BCKDK: variants seen among roughly 807,000 people sequenced by gnomAD.
The protein encoded by BCKDK is branched-chain alpha-ketoacid dehydrogenase kinase.
Under a neutral mutation model 43.9 loss-of-function variants are expected in BCKDK, and 28 were observed. The ratio of observed to expected loss-of-function variants is 0.64; its 90% CI spans 0.47 to 0.87. BCKDK has a LOEUF of 0.87. Ranked by LOEUF, BCKDK falls within the 40% of genes least tolerant of loss-of-function variation. BCKDK has a pLI of 0.00. For synonymous variants in BCKDK, 257 were observed against 234.3 expected (o/e 1.10, Z -0.88); for missense variants, 483 against 581.4 (o/e 0.83, Z 1.74).
In BCKDK at chr16:31,111,251, G is replaced by A. The variant is rs200386821; in HGVS notation, c.845+32G>A. 3.4e-4 allele frequency: 542 copies of A among 1,613,938 alleles called. 1 individual carries two copies. Among genetic ancestry groups the A allele is most frequent in the Non-Finnish European group, 4.3e-4 (512 of 1,179,976 alleles). On this transcript the variant is annotated intron_variant, in intron 9 of 11. Transcript: ENST00000219794. ...TGGCTTGATGTGCTGGCTTGGGGGCGGACAGGAACCGGGGTGCTTGTACCT... is the reference window on the plus strand; with the variant it reads ...TGGCTTGATGTGCTGGCTTGGGGGCAGACAGGAACCGGGGTGCTTGTACCT...
downstream of BCKDK, among the ~76,000 whole-genome samples, chr16:31,116,759 A>C (rs2057448658): frequency 1.1e-5 from 1 of 93,502 alleles, no homozygotes; most frequent in African/African-American, 3.6e-5. Context: ...TCTACTAAAA[A>C]TACAAAAAAT....
downstream of BCKDK, among the ~76,000 whole-genome samples, chr16:31,117,280 G>A (rs1393778797): frequency 1.3e-5 from 2 of 151,036 alleles, no homozygotes; most frequent in African/African-American, 4.9e-5. Context: ...TGAGGCAGAG[G>A]AATCGCTTGA....
chr16:31,111,986 T>C lies in BCKDK; in HGVS notation c.1053T>C (p.His351=). Residue 351 remains histidine, a synonymous_variant, in exon 11 of 12, where the codon CAT becomes CAC. Transcript: ENST00000219794. ...CCCGGATCAGCCCCCTCTTTGGCCATCTGGACATGCATAGTGGCGCCCAGT... is the reference window on the plus strand; with the variant it reads ...CCCGGATCAGCCCCCTCTTTGGCCACCTGGACATGCATAGTGGCGCCCAGT... ...QDPRISPLFG[H]LDMHSGAQSG... 1.2e-6 allele frequency: 2 copies of C among 1,613,968 alleles called. No homozygotes were observed. Among genetic ancestry groups the C allele is most frequent in the South Asian group, 2.2e-5 (2 of 91,076 alleles).
Position 31,111,669 on chromosome 16 carries a change from C to T in BCKDK, c.936-200C>T, listed in dbSNP as rs1244792733. On this transcript the variant is annotated intron_variant, in intron 10 of 11. Transcript: ENST00000219794. ...AGGATGCTGGGCCGAGGATAAATGT[C>T]ACATCCTGTGAGAAGGTATAAGCAG... 6.6e-5 allele frequency among the ~76,000 whole-genome samples: 10 copies of T among 152,076 alleles called. No individual in the cohort carries two copies. In the East Asian group the frequency reaches 1.5e-3, roughly 23 times the overall value.
Position 31,110,445 on chromosome 16 carries a change from G to A in BCKDK, c.588G>A (p.Ser196=), listed in dbSNP as rs150773521. ...VRYFLDKTLT[S]RLGIRMLATH... ...ACTTCTTGGACAAGACGCTGACTTC[G>A]AGGCTTGGAATCCGCATGTTGGCCA... The change falls in exon 7 of 12, where the codon TCG becomes TCA. Residue 196 remains serine, a synonymous_variant. Transcript: ENST00000219794. This position sits in a 1 kb window ranked among gnomAD's most constrained non-coding sequence, Gnocchi z 5.4. The A allele has an allele frequency of 3.3e-4, 532 of 1,613,898 alleles. No homozygotes were observed. The highest frequency in any genetic ancestry group is 4.0e-4 in the Non-Finnish European group (470 of 1,180,028).
chr16:31,112,464 G>A lies in BCKDK; in HGVS notation c.*199G>A. 1 of 875,820 alleles carries A rather than the reference G, an allele frequency of 1.1e-6. No homozygotes were observed. The highest frequency in any genetic ancestry group is 1.7e-5 in the African/African-American group (1 of 60,518). 54.3% of individuals were successfully genotyped at this position (875,820 alleles called of 1,614,324 possible). ...TGCCTCCTCGCCTCCAGAACTTGGAGCAGGGAAGTGGGCACCCTGAGGCCT... is the reference window on the plus strand; with the variant it reads ...TGCCTCCTCGCCTCCAGAACTTGGAACAGGGAAGTGGGCACCCTGAGGCCT... On this transcript the variant is annotated 3_prime_UTR_variant, in exon 12 of 12. Coordinates refer to ENST00000219794, the MANE Select transcript of BCKDK (RefSeq NM_005881.4). The surrounding 1 kb of genome is among the most constrained non-coding windows in gnomAD (Gnocchi z 5.0).
rs2057386084 is a variant in BCKDK, at chr16:31,108,972, C to G, written c.-177-75C>G. The G allele has an allele frequency of 2.5e-6, 1 of 398,920 alleles. No homozygotes were observed. The highest frequency in any genetic ancestry group is 4.5e-6 in the Non-Finnish European group (1 of 222,124). 24.7% of individuals were successfully genotyped at this position (398,920 alleles called of 1,614,324 possible). ...AGAGGTCGCCCGGGTCTGGGGAGAC[C>G]GATGCACAGGTGGAGAGATGGTGCG... On this transcript the variant is annotated intron_variant, in intron 1 of 11. Coordinates refer to ENST00000219794, the MANE Select transcript of BCKDK (RefSeq NM_005881.4). This position sits in a 1 kb window ranked among gnomAD's most constrained non-coding sequence, Gnocchi z 6.2.
chr16:31,110,416 C>T lies in BCKDK; in HGVS notation c.559C>T (p.Arg187Cys), dbSNP rs905825367. The T allele has an allele frequency of 1.4e-5, 23 of 1,613,788 alleles. No homozygotes were observed. The highest frequency in any genetic ancestry group is 1.7e-5 in the Non-Finnish European group (20 of 1,180,010). The change falls in exon 7 of 12, where the codon CGC (arginine) becomes TGC (cysteine). Residue 187 changes from arginine to cysteine, a missense_variant. Arg to Cys is a radical substitution (Grantham distance 180). Transcript: ENST00000219794. This position sits in a 1 kb window ranked among gnomAD's most constrained non-coding sequence, Gnocchi z 5.4. ...RKHIEDEKLV[R>C]YFLDKTLTSR... Reference sequence around the variant, plus strand: ...CTCTTTACAGGATGAAAAGCTCGTCCGCTACTTCTTGGACAAGACGCTGAC... The same window carrying T: ...CTCTTTACAGGATGAAAAGCTCGTCTGCTACTTCTTGGACAAGACGCTGAC...
In BCKDK at chr16:31,110,458, C is replaced by T. The variant is rs771021107; in HGVS notation, c.601C>T (p.Arg201Cys). The T allele has an allele frequency of 5.0e-6, 8 of 1,613,866 alleles. No individual in the cohort carries two copies. The highest frequency in any genetic ancestry group is 4.5e-5 in the East Asian group (2 of 44,880). Residue 201 changes from arginine to cysteine, a missense_variant, in exon 7 of 12, where the codon CGC becomes TGC. Physicochemically the swap from Arg to Cys is radical, Grantham distance 180. Coordinates refer to ENST00000219794, the MANE Select transcript of BCKDK (RefSeq NM_005881.4). The surrounding 1 kb of genome is among the most constrained non-coding windows in gnomAD (Gnocchi z 5.4). ...DKTLTSRLGI[R>C]MLATHHLALH... ...GACGCTGACTTCGAGGCTTGGAATC[C>T]GCATGTTGGCCACGCATCACCTGGC...
In BCKDK at chr16:31,112,375, C is replaced by A; in HGVS notation, c.*110C>A. The A allele has an allele frequency of 2.6e-6, 4 of 1,525,356 alleles. No individual in the cohort carries two copies. Among genetic ancestry groups the A allele is most frequent in the Non-Finnish European group, 3.6e-6 (4 of 1,119,872 alleles). 94.5% of individuals were successfully genotyped at this position (1,525,356 alleles called of 1,614,324 possible). ...CTCCACACACTGCTGCATCTTGGGT[C>A]TCAGGGACCCAGACAGATGGACTTA... is the stretch of plus-strand genomic sequence containing the variant. On this transcript the variant is annotated 3_prime_UTR_variant, in exon 12 of 12. Transcript: ENST00000219794. The surrounding 1 kb of genome is among the most constrained non-coding windows in gnomAD (Gnocchi z 5.0).
At chr16:31,111,762 G>A in intron 10 of BCKDK, 107 bp from the exon 11 acceptor site, 1 of 1,462,018 alleles carries the variant, frequency 6.8e-7, no homozygotes, top group Non-Finnish European at 9.4e-7. Flanking sequence ...CCACATTCCA[G>A]CTCTGGGTGG....
At position 31,112,043 on chromosome 16, in the gene BCKDK, G is replaced by T; in HGVS notation, c.1094+16G>T. The T allele has an allele frequency of 6.2e-7, 1 of 1,613,822 alleles. No homozygotes were observed. Among genetic ancestry groups the T allele is most frequent in the Non-Finnish European group, 8.5e-7 (1 of 1,179,870 alleles). The stretch of plus-strand genomic sequence containing the variant: ...CCATGCACGGGTGAGACCCTGCCAG[G>T]CCAGGATGGAGGGGTGGGGGACCCC... On this transcript the variant is annotated intron_variant, in intron 11 of 11. Transcript: ENST00000219794. This position sits in a 1 kb window ranked among gnomAD's most constrained non-coding sequence, Gnocchi z 5.0.
At chr16:31,115,442 C>T (rs911892885), downstream of BCKDK, among the ~76,000 whole-genome samples, 4 of 149,108 alleles carry the variant, frequency 2.7e-5, no homozygotes, top group Non-Finnish European at 4.5e-5. Context: ...AGGCTGGTCT[C>T]GAACTCCCGA....
At position 31,112,291 on chromosome 16, in the gene BCKDK, C is replaced by T. The variant is rs760032015; in HGVS notation, c.*26C>T. On this transcript the variant is annotated 3_prime_UTR_variant, in exon 12 of 12. Transcript: ENST00000219794. This position sits in a 1 kb window ranked among gnomAD's most constrained non-coding sequence, Gnocchi z 5.0. The stretch of plus-strand genomic sequence containing the variant: ...CCCCACAGCCTTTGGCCTGCTCACC[C>T]GACCAGCCTGGGCCGCATTCCCTGC... 38 of 1,604,420 alleles carry T rather than the reference C, an allele frequency of 2.4e-5. No homozygotes were observed. Among genetic ancestry groups the T allele is most frequent in the East Asian group, 1.6e-4 (7 of 44,860 alleles).
At chr16:31,115,371 C>A (rs570934154), downstream of BCKDK, among the ~76,000 whole-genome samples, 7 of 151,826 alleles carry the variant, frequency 4.6e-5, no homozygotes, top group African/African-American at 1.7e-4. Flanking sequence ...TACAGGCATG[C>A]GGCCACCACG....
At chr16:31,116,963 G>C (rs1439244229), downstream of BCKDK, among the ~76,000 whole-genome samples, 1 of 149,320 alleles carries the variant, frequency 6.7e-6, no homozygotes, top group Non-Finnish European at 1.5e-5. Flanking sequence ...AGGCCAGCGC[G>C]AGTGTGCGGC....
At position 31,109,955 on chromosome 16, in the gene BCKDK, G is replaced by T; in HGVS notation, c.376-122G>T. On this transcript the variant is annotated intron_variant, in intron 4 of 11. Transcript: ENST00000219794. This position sits in a 1 kb window ranked among gnomAD's most constrained non-coding sequence, Gnocchi z 5.3. ...TGTATTCACGGAGCCTGGAAGGGTC[G>T]AAGTGGGGGTTTGATCACGTGGTCG... 1 of 1,464,056 alleles carries T rather than the reference G, an allele frequency of 6.8e-7. No homozygotes were observed. The highest frequency in any genetic ancestry group is 9.5e-7 in the Non-Finnish European group (1 of 1,047,684). 90.7% of individuals were successfully genotyped at this position (1,464,056 alleles called of 1,614,324 possible). A position where few individuals can be genotyped will look rare whatever the true frequency, so the allele number is the denominator to read the frequency against.
chr16:31,110,031 T>G lies in BCKDK; in HGVS notation c.376-46T>G. The G allele has an allele frequency of 1.2e-6, 2 of 1,613,644 alleles. No homozygotes were observed. The highest frequency in any genetic ancestry group is 1.7e-6 in the Non-Finnish European group (2 of 1,179,704). ...GTAGGTGGGGGTGGCTGTTCTCTGC[T>G]CAGTGCCCATGCGGCTTTGTGAATT... On this transcript the variant is annotated intron_variant, in intron 4 of 11. Coordinates refer to ENST00000219794, the MANE Select transcript of BCKDK (RefSeq NM_005881.4). The surrounding 1 kb of genome is among the most constrained non-coding windows in gnomAD (Gnocchi z 5.4).
chr16:31,110,954 G>A lies in BCKDK; in HGVS notation c.717-137G>A, dbSNP rs965952924. The A allele has an allele frequency of 1.2e-5, 17 of 1,423,012 alleles. No individual in the cohort carries two copies. Among genetic ancestry groups the A allele is most frequent in the African/African-American group, 2.8e-5 (2 of 70,626 alleles). The allele number at this position is 1,423,012 out of a possible 1,614,324, so 88.1% of individuals were successfully genotyped here. A position where few individuals can be genotyped will look rare whatever the true frequency, so the allele number is the denominator to read the frequency against. ...TAGGAAGTTCAGCAGCATCCCTGGC[G>A]CCAGCAGTACTGCCTAGTTGTGACA... is the stretch of plus-strand genomic sequence containing the variant. On this transcript the variant is annotated intron_variant, in intron 8 of 11. Coordinates refer to ENST00000219794, the MANE Select transcript of BCKDK (RefSeq NM_005881.4). The surrounding 1 kb of genome is among the most constrained non-coding windows in gnomAD (Gnocchi z 5.4).
Sources: allele counts gnomAD v4.1 joint callset (sites outside exome capture counted in the v4.1 genomes callset), GRCh38; gene constraint gnomAD v4.1.1; non-coding constraint Gnocchi (gnomAD v3.1); transcripts MANE v1.5; gene names NCBI Gene and HGNC (gene_info 2026-07-23, HGNC 2026-07-21).